The following MGAT4C variants were observed in gnomAD, a reference collection of about 807,000 sequenced individuals.
The protein encoded by MGAT4C is alpha-1,3-mannosyl-glycoprotein 4-beta-N-acetylglucosaminyltransferase C.
Under a neutral mutation model 40.1 loss-of-function variants are expected in MGAT4C, and 19 were observed. That is an observed-to-expected ratio of 0.47 (90% confidence interval 0.33 to 0.70). The LOEUF is 0.70. Among genes scored for constraint, MGAT4C ranks in the 30% least tolerant of loss-of-function variants. The pLI, the probability that MGAT4C is intolerant of heterozygous loss-of-function variation, is 0.02. For missense variants in MGAT4C, 491 were observed against 563.2 expected, an observed-to-expected ratio of 0.87 and a Z score of 1.30; for synonymous variants, 181 against 187.1, an observed-to-expected ratio of 0.97 and a Z score of 0.27.
chr12:86,173,781 G>A (rs1468507418), intron 1 of MGAT4C, among the ~76,000 whole-genome samples: 2 of 151,914 alleles, frequency 1.3e-5, no homozygotes, highest in African/African-American at 4.8e-5. Context: ...AAAGGGATGG[G>A]GATTTCACTT....
chr12:86,381,494 TC>T (rs1955928067), intron 3 of MGAT4C, among the ~76,000 whole-genome samples: 1 of 152,066 alleles, frequency 6.6e-6, no homozygotes, highest in Admixed American at 6.6e-5. Flanking sequence ...AAAATCTATC[TC>T]AACTCTCAGA....
chr12:86,184,407 T>G (rs1888488444), intron 1 of MGAT4C, among the ~76,000 whole-genome samples: 1 of 151,802 alleles, frequency 6.6e-6, no homozygotes, highest in Non-Finnish European at 1.5e-5. Context: ...TTTTATTTAC[T>G]ATGTGCCAGG....
chr12:86,487,235 C>T (rs1422467819), intron 2 of MGAT4C, among the ~76,000 whole-genome samples: 1 of 152,184 alleles, frequency 6.6e-6, no homozygotes, highest in Non-Finnish European at 1.5e-5. Flanking sequence ...AACATTCCTA[C>T]TCCTAACTAG....
chr12:86,352,571 C>T (rs1261257565), intron 3 of MGAT4C, among the ~76,000 whole-genome samples: 1 of 152,064 alleles, frequency 6.6e-6, no homozygotes, highest in Admixed American at 6.6e-5. Context: ...AATTGTACTT[C>T]CTTATTCCCT....
intron 2 of MGAT4C, among the ~76,000 whole-genome samples, chr12:86,467,997 T>C (rs1049201531): frequency 2.0e-5 from 3 of 152,142 alleles, no homozygotes; most frequent in African/African-American, 7.2e-5. Flanking sequence ...AATGCTTCTA[T>C]CCTCTACCTC....
chr12:86,795,924 T>C (rs1429429684), intron 1 of MGAT4C, among the ~76,000 whole-genome samples: 3 of 152,010 alleles, frequency 2.0e-5, no homozygotes, highest in African/African-American at 4.8e-5. Flanking sequence ...AGCAAAATCA[T>C]ATGCTGCCAT....
At chr12:86,143,238 A>G (rs1267037907) in intron 1 of MGAT4C, among the ~76,000 whole-genome samples, 2 of 152,186 alleles carry the variant, frequency 1.3e-5, no homozygotes, top group African/African-American at 2.4e-5. Context: ...GTGAAGCCAG[A>G]TGACACAGCA....
At chr12:86,032,641 T>A (rs1890865780) in intron 2 of MGAT4C, among the ~76,000 whole-genome samples, 1 of 149,884 alleles carries the variant, frequency 6.7e-6, no homozygotes, top group Admixed American at 6.7e-5. Flanking sequence ...TTTGTTTAAA[T>A]TCCTTATAGA....
intron 4 of MGAT4C, among the ~76,000 whole-genome samples, chr12:86,269,431 T>C (rs1952886709): frequency 2.6e-5 from 4 of 151,952 alleles, no homozygotes; most frequent in African/African-American, 9.7e-5. Context: ...TTCTTGACAG[T>C]AGTCAAGAAA....
intron 1 of MGAT4C, among the ~76,000 whole-genome samples, chr12:86,068,804 T>C (rs1592841772): frequency 6.6e-6 from 1 of 152,176 alleles, no homozygotes; most frequent in African/African-American, 2.4e-5. Flanking sequence ...CCCTGTCCCC[T>C]TTTACCTGTA....
Position 86,550,324 on chromosome 12 carries a change from G to T in MGAT4C, c.-228-115059C>A, listed in dbSNP as rs188496899. On this transcript the variant is annotated intron_variant, in intron 2 of 7. Coordinates refer to the MGAT4C transcript ENST00000548651. ...ACAGAGGAACCTCACCAGTCCCATT[G>T]CCACTCCAAACACTTACAGTCTGTA... is the stretch of plus-strand genomic sequence containing the variant. 8.7e-4 allele frequency among the ~76,000 whole-genome samples: 133 copies of T among 152,248 alleles called. 1 individual carries two copies. The highest frequency in any genetic ancestry group is 9.7e-4 in the East Asian group (5 of 5,162).
rs191495271 is a variant in MGAT4C, at chr12:86,533,598, T to C, written c.-228-98333A>G. 3.7e-3 allele frequency among the ~76,000 whole-genome samples: 566 copies of C among 151,834 alleles called. 1 individual carries two copies. Among genetic ancestry groups the C allele is most frequent in the Non-Finnish European group, 5.7e-3 (390 of 67,886 alleles). On this transcript the variant is annotated intron_variant, in intron 2 of 7. Transcript: ENST00000548651. The stretch of plus-strand genomic sequence containing the variant: ...TGTATATACATAATTAATTAAATTA[T>C]AATTATTTATACACACTATGTACTA...
chr12:86,054,677 A>G (rs940909447), intron 1 of MGAT4C, among the ~76,000 whole-genome samples: 1 of 151,906 alleles, frequency 6.6e-6, no homozygotes, highest in Non-Finnish European at 1.5e-5. Flanking sequence ...AAATATATCC[A>G]TCATTTATTT....
At chr12:86,190,371 T>C (rs182029879) in intron 1 of MGAT4C, among the ~76,000 whole-genome samples, 139 of 152,246 alleles carry the variant, frequency 9.1e-4, no homozygotes, top group Non-Finnish European at 1.7e-3. Flanking sequence ...GATAATCAAA[T>C]TGGCATAATT....
chr12:86,758,186 C>A (rs1951338718), intron 1 of MGAT4C, among the ~76,000 whole-genome samples: 1 of 151,988 alleles, frequency 6.6e-6, no homozygotes, highest in Non-Finnish European at 1.5e-5. Context: ...GTTTCTTTGG[C>A]CTTACACTGG....
At chr12:86,239,799 C>T (rs1951699824) in intron 1 of MGAT4C, among the ~76,000 whole-genome samples, 1 of 147,424 alleles carries the variant, frequency 6.8e-6, no homozygotes, top group Non-Finnish European at 1.5e-5. Context: ...AGATCTTATC[C>T]CTCTCTTCTC....
intron 2 of MGAT4C, among the ~76,000 whole-genome samples, chr12:86,442,790 A>G (rs1224334219): frequency 1.3e-5 from 2 of 151,574 alleles, no homozygotes; most frequent in South Asian, 4.2e-4. Flanking sequence ...AAAAAAAGGA[A>G]TCAGTCAATG....
intron 2 of MGAT4C, among the ~76,000 whole-genome samples, chr12:86,569,532 A>AT (rs1565855928): frequency 6.6e-6 from 1 of 152,086 alleles, no homozygotes. Flanking sequence ...AAAGACAAAA[A>AT]TACCCCAAAT....
chr12:86,176,723 T>C (rs1887476985), intron 1 of MGAT4C, among the ~76,000 whole-genome samples: 2 of 151,352 alleles, frequency 1.3e-5, no homozygotes, highest in Non-Finnish European at 2.9e-5. Flanking sequence ...TCTTATATGT[T>C]GTGAATTTTA....
Sources: gnomAD v4.1 joint callset for allele counts (sites outside exome capture counted in the v4.1 genomes callset) on GRCh38, gnomAD v4.1.1 for gene constraint, MANE v1.5 for transcripts, NCBI Gene and HGNC (gene_info 2026-07-23, HGNC 2026-07-21) for gene names.